The following HUNK variants were observed in gnomAD, a reference collection of about 807,000 sequenced individuals.
HUNK encodes the protein hormonally up-regulated Neu-associated kinase.
A neutral mutation model predicts 61.0 loss-of-function variants in HUNK; 21 were observed. The observed-to-expected ratio is 0.34, with a 90% CI of 0.24 to 0.50. HUNK has a LOEUF of 0.50. HUNK is among the 20% of genes least tolerant of loss of function. HUNK has a pLI of 0.98. For missense variants in HUNK, 772 were observed against 945.7 expected (o/e 0.82, Z 2.41); for synonymous variants, 371 against 386.1 (o/e 0.96, Z 0.46).
At chr21:31,911,576 G>A (rs372160676) in intron 1 of HUNK, among the ~76,000 whole-genome samples, 21 of 152,112 alleles carry the variant, frequency 1.4e-4, no homozygotes, top group Admixed American at 9.8e-4. Context: ...TGGGAGCCAC[G>A]GGGAGCCTGG....
At chr21:31,909,805 A>G (rs568356254) in intron 1 of HUNK, among the ~76,000 whole-genome samples, 1 of 152,368 alleles carries the variant, frequency 6.6e-6, no homozygotes, top group South Asian at 2.1e-4. Context: ...ACACAGGAGC[A>G]CGTTCCACTC....
intron 5 of HUNK, among the ~76,000 whole-genome samples, chr21:31,965,444 G>A (rs981424619): frequency 2.6e-5 from 4 of 151,664 alleles, no homozygotes; most frequent in African/African-American, 9.7e-5. Flanking sequence ...ATGTACCCCC[G>A]AACCTAAAGT....
chr21:31,962,369 A>G (rs2123843916), intron 5 of HUNK, among the ~76,000 whole-genome samples: 1 of 152,356 alleles, frequency 6.6e-6, no homozygotes, highest in Non-Finnish European at 1.5e-5. Flanking sequence ...CCTTGTTTTT[A>G]CTTTCAATAA....
intron 1 of HUNK, among the ~76,000 whole-genome samples, chr21:31,922,805 C>T (rs2052631598): frequency 6.6e-6 from 1 of 152,204 alleles, no homozygotes; most frequent in Admixed American, 6.5e-5. Context: ...TATTTCTGTA[C>T]TTGTACCTCT....
chr21:31,996,367 C>T (rs945293838), intron 10 of HUNK, among the ~76,000 whole-genome samples: 1 of 152,128 alleles, frequency 6.6e-6, no homozygotes, highest in Non-Finnish European at 1.5e-5. Flanking sequence ...CCCAGCTCTA[C>T]TGCCTGCAGA....
intron 9 of HUNK, among the ~76,000 whole-genome samples, chr21:31,992,902 G>A (rs1043083427): frequency 2.0e-5 from 3 of 152,186 alleles, no homozygotes; most frequent in Non-Finnish European, 2.9e-5. Flanking sequence ...CTGACTCTGA[G>A]GTTTGTCCCC....
chr21:31,896,648 A>G (rs2052427012), intron 1 of HUNK, among the ~76,000 whole-genome samples: 1 of 152,204 alleles, frequency 6.6e-6, no homozygotes, highest in South Asian at 2.1e-4. Context: ...ATTTCTACAA[A>G]ACACCGTCAA....
At chr21:31,998,150 C>T (rs2053219022) in intron 10 of HUNK, among the ~76,000 whole-genome samples, 1 of 152,168 alleles carries the variant, frequency 6.6e-6, no homozygotes, top group African/African-American at 2.4e-5. Flanking sequence ...AATTCCTGGG[C>T]TCAAGCAGTC....
At chr21:31,943,177 C>T (rs972330034) in intron 3 of HUNK, among the ~76,000 whole-genome samples, 2 of 151,982 alleles carry the variant, frequency 1.3e-5, no homozygotes, top group East Asian at 1.9e-4. Flanking sequence ...AATAAATCTA[C>T]TTAAGCCATG....
chr21:31,979,790 C>T (rs367877160), intron 7 of HUNK, among the ~76,000 whole-genome samples: 38 of 152,138 alleles, frequency 2.5e-4, no homozygotes, highest in African/African-American at 8.2e-4. Flanking sequence ...GCTGGGATTA[C>T]AGGCATAAGC....
chr21:31,899,269 A>G (rs1393599379), intron 1 of HUNK, among the ~76,000 whole-genome samples: 1 of 152,244 alleles, frequency 6.6e-6, no homozygotes, highest in African/African-American at 2.4e-5. Context: ...GGAGGCCAGA[A>G]GTATGAAATC....
In HUNK at chr21:31,983,629, A is replaced by T. The variant is rs762170519; in HGVS notation, c.1257+20A>T. Reference sequence around the variant, plus strand: ...TATGAGGTGAGTGACCCCTGAAGCAAACCTCAGGGTCTCTTAGGAAGGGTG... The same window carrying T: ...TATGAGGTGAGTGACCCCTGAAGCATACCTCAGGGTCTCTTAGGAAGGGTG... On this transcript the variant is annotated intron_variant, in intron 8 of 10. Transcript: ENST00000270112. The T allele has an allele frequency of 6.5e-7, 1 of 1,538,072 alleles. No homozygotes were observed. The highest frequency in any genetic ancestry group is 9.0e-7 in the Non-Finnish European group (1 of 1,112,686).
chr21:31,946,891 C>T (rs953481400), intron 4 of HUNK, among the ~76,000 whole-genome samples: 30 of 152,208 alleles, frequency 2.0e-4, no homozygotes, highest in Non-Finnish European at 3.7e-4. Context: ...CTGGCATTAC[C>T]GGCATGAGCC....
Position 31,892,873 on chromosome 21 carries a change from C to T in HUNK, c.261+18938C>T, listed in dbSNP as rs138881999. On this transcript the variant is annotated intron_variant, in intron 1 of 10. Coordinates refer to ENST00000270112, the MANE Select transcript of HUNK (RefSeq NM_014586.2). ...CCACTTTCCTCTTGCCCACCTCTGC[C>T]GCAGACCTCCCTTTCTTGGCAGCTT... Among the ~76,000 whole-genome samples, 14 of 152,202 alleles carry T rather than the reference C, an allele frequency of 9.2e-5. No homozygotes were observed. In the South Asian group the frequency reaches 1.9e-3, roughly 20 times the overall value.
chr21:31,983,531 T>C lies in HUNK; in HGVS notation c.1179T>C (p.Ser393=). 6.2e-7 allele frequency: 1 copy of C among 1,613,454 alleles called. No homozygotes were observed. The highest frequency in any genetic ancestry group is 1.1e-5 in the South Asian group (1 of 91,050). The change falls in exon 8 of 11, where the codon TCT becomes TCC. Residue 393 remains serine (S), a synonymous_variant. Coordinates refer to ENST00000270112, the MANE Select transcript of HUNK (RefSeq NM_014586.2). Reference sequence around the variant, plus strand: ...TTTCTTTTCTCCTCTGGTAGAAATCTGACATCCAGGACAGCCTCTGCTACA... The same window carrying C: ...TTTCTTTTCTCCTCTGGTAGAAATCCGACATCCAGGACAGCCTCTGCTACA... ...KKLERYLSGK[S]DIQDSLCYKT...
At chr21:31,995,995 G>A (rs1230665114) in intron 10 of HUNK, 47 bp downstream of exon 10, 2 of 1,407,468 alleles carry the variant, frequency 1.4e-6, no homozygotes, top group South Asian at 2.5e-5. Flanking sequence ...GTTGGGCTGT[G>A]TGTCCGCTGT....
intron 1 of HUNK, among the ~76,000 whole-genome samples, chr21:31,909,307 C>G (rs894304736): frequency 6.6e-6 from 1 of 152,186 alleles, no homozygotes; most frequent in Non-Finnish European, 1.5e-5. Context: ...AGTCTCTCAC[C>G]AGCAGGATAC....
intron 6 of HUNK, 40 bp downstream of exon 6, chr21:31,968,425 G>C (rs771278974): frequency 1.2e-6 from 2 of 1,612,102 alleles, no homozygotes; most frequent in Non-Finnish European, 1.7e-6. Context: ...GGGAGAGACG[G>C]GGCCTGTCCT....
At chr21:31,993,100 G>C (rs2053182011) in intron 9 of HUNK, among the ~76,000 whole-genome samples, 1 of 152,070 alleles carries the variant, frequency 6.6e-6, no homozygotes, top group African/African-American at 2.4e-5. Flanking sequence ...TCTGTCTGGG[G>C]GTGCATTTTT....
Sources: gnomAD v4.1 joint callset for allele counts (sites outside exome capture counted in the v4.1 genomes callset) on GRCh38, gnomAD v4.1.1 for gene constraint, MANE v1.5 for transcripts, NCBI Gene and HGNC (gene_info 2026-07-23, HGNC 2026-07-21) for gene names.